The following TJP2 variants were observed in gnomAD, a reference collection of about 807,000 sequenced individuals.
The protein encoded by TJP2 is Friedreich ataxia region gene X104 (tight junction protein ZO-2).
Under a neutral mutation model 133.1 loss-of-function variants are expected in TJP2, and 91 were observed. That is an observed-to-expected ratio of 0.68 (90% CI 0.58 to 0.81). The LOEUF (loss-of-function observed/expected upper bound fraction) is 0.81, where lower values mean the gene tolerates loss of function less well. Among genes scored for constraint, TJP2 ranks in the 40% least tolerant of loss-of-function variants. The pLI is 0.00. For synonymous variants in TJP2, 592 were observed against 583.4 expected, an observed-to-expected ratio of 1.01 and a Z score of -0.21; for missense variants, 1,541 against 1,565.6, an observed-to-expected ratio of 0.98 and a Z score of 0.26.
rs901693197 is a variant in TJP2 at position 69,129,525 on chromosome 9, A to C, written c.-131+7800A>C. On this transcript the variant is annotated intron_variant, in intron 1 of 5. Coordinates refer to the TJP2 transcript ENST00000423935. ...AACCTGTCGCAAAAAACAAAAAAAA[A>C]CCCCGTCAATTCTACTTACTAAAAT... Among the ~76,000 whole-genome samples, 24 of 151,682 alleles carry C rather than the reference A, an allele frequency of 1.6e-4. No homozygotes were observed. In the East Asian group the frequency reaches 1.7e-3, roughly 11 times the overall value.
At chr9:69,213,951 G>T (rs1206237409) in intron 2 of TJP2, among the ~76,000 whole-genome samples, 1 of 152,082 alleles carries the variant, frequency 6.6e-6, no homozygotes, top group East Asian at 1.9e-4. Flanking sequence ...TCAGCATAGT[G>T]GGCCTCACGT....
At chr9:69,176,670 A>G (rs1202311120) in intron 1 of TJP2, among the ~76,000 whole-genome samples, 2 of 152,220 alleles carry the variant, frequency 1.3e-5, no homozygotes, top group Admixed American at 6.5e-5. Context: ...TGCATTTGCA[A>G]TGACTTCTGC....
At chr9:69,131,633 A>G (rs1323419186) in intron 1 of TJP2, among the ~76,000 whole-genome samples, 1 of 152,220 alleles carries the variant, frequency 6.6e-6, no homozygotes, top group Non-Finnish European at 1.5e-5. Flanking sequence ...GTGATTTAAT[A>G]TCAGTGCTTG....
chr9:69,205,955 G>C (rs1006908537), intron 1 of TJP2, among the ~76,000 whole-genome samples: 2 of 151,918 alleles, frequency 1.3e-5, no homozygotes, highest in Non-Finnish European at 2.9e-5. Flanking sequence ...ATCTGGCCAA[G>C]ATTTTTCAAA....
chr9:69,210,208 G>A (rs1279793955), intron 1 of TJP2, among the ~76,000 whole-genome samples: 2 of 146,180 alleles, frequency 1.4e-5, no homozygotes, highest in Non-Finnish European at 3.0e-5. Flanking sequence ...CGAATCACTT[G>A]AACCCAGGAG....
intron 1 of TJP2, among the ~76,000 whole-genome samples, chr9:69,182,788 CTTT>C (rs35602682): frequency 1.5e-5 from 2 of 129,408 alleles, no homozygotes. Flanking sequence ...TGATGAATTT[CTTT>C]TTTTTTTTTT....
chr9:69,140,198 C>A (rs1318165377), intron 1 of TJP2, among the ~76,000 whole-genome samples: 2 of 152,184 alleles, frequency 1.3e-5, no homozygotes, highest in East Asian at 3.8e-4. Flanking sequence ...AGAAATGAAG[C>A]CACAACTAGT....
chr9:69,173,407 A>G (rs564349650), upstream of TJP2, among the ~76,000 whole-genome samples: 2 of 152,340 alleles, frequency 1.3e-5, no homozygotes, highest in South Asian at 2.1e-4. Flanking sequence ...TTCGAAAGGA[A>G]TAAGCACACT....
rs527789195 is a variant in TJP2, at chr9:69,236,065, G to A, written c.1818G>A (p.Ser606=). Residue 606 remains serine, a synonymous_variant, in exon 13 of 23, where the codon TCG becomes TCA. Transcript: ENST00000377245. ...TCCTGGCTTGTGGCAGAGGGGATTC[G>A]TTTTTTATAAGAAGCCACTTTGAAT... is the stretch of plus-strand genomic sequence containing the variant. The part of the protein sequence containing the change: ...RDILACGRGD[S]FFIRSHFECE... The A allele has an allele frequency of 9.9e-5, 160 of 1,614,070 alleles. 2 individuals are homozygous for A. In the South Asian group the frequency reaches 1.1e-3, roughly 11 times the overall value.
chr9:69,230,022 T>A, intron 10 of TJP2, 60 bp from the exon 11 acceptor site: 1 of 1,596,466 alleles, frequency 6.3e-7, no homozygotes, highest in Non-Finnish European at 8.6e-7. Flanking sequence ...TTTGCTAATG[T>A]TGTTCTCCCT....
chr9:69,133,395 G>C (rs1472503302), intron 1 of TJP2, among the ~76,000 whole-genome samples: 3 of 152,134 alleles, frequency 2.0e-5, no homozygotes, highest in Non-Finnish European at 4.4e-5. Context: ...TGTATTCTCC[G>C]GAAAGACTGG....
chr9:69,130,039 G>T (rs374902905), intron 1 of TJP2, among the ~76,000 whole-genome samples: 81 of 146,720 alleles, frequency 5.5e-4, no homozygotes, highest in African/African-American at 2.0e-3. Flanking sequence ...AAAAGAAAAA[G>T]AAAAAAAAGA....
chr9:69,196,801 T>C (rs1439688136), intron 1 of TJP2, among the ~76,000 whole-genome samples: 1 of 152,110 alleles, frequency 6.6e-6, no homozygotes, highest in African/African-American at 2.4e-5. Context: ...CCCATAGTCT[T>C]AGGGAACCAG....
At chr9:69,174,253 A>C, upstream of TJP2, 2 of 1,521,976 alleles carry the variant, frequency 1.3e-6, no homozygotes, top group Non-Finnish European at 1.8e-6. Flanking sequence ...GCGGGTCGGC[A>C]CCCCGGCGGT....
At chr9:69,199,838 G>A (rs992014227) in intron 1 of TJP2, among the ~76,000 whole-genome samples, 8 of 152,150 alleles carry the variant, frequency 5.3e-5, no homozygotes, top group Non-Finnish European at 1.0e-4. Context: ...GCAGCAGCTC[G>A]GATCCCATCT....
At chr9:69,247,245 T>A (rs1830990994) in intron 18 of TJP2, among the ~76,000 whole-genome samples, 1 of 152,184 alleles carries the variant, frequency 6.6e-6, no homozygotes, top group Non-Finnish European at 1.5e-5. Flanking sequence ...TTCTGGGAGT[T>A]TGAATGGGTG....
At chr9:69,221,863 CTTTTTT>C (rs11308693) in intron 5 of TJP2, among the ~76,000 whole-genome samples, 1 of 112,246 alleles carries the variant, frequency 8.9e-6, no homozygotes, top group Middle Eastern at 6.0e-3. Context: ...GGAATAGCTA[CTTTTTT>C]TTTTTTTTTT....
At chr9:69,254,090 G>A in intron 22 of TJP2, 119 bp from the exon 23 acceptor site, 2 of 1,176,420 alleles carry the variant, frequency 1.7e-6, no homozygotes, top group Non-Finnish European at 2.5e-6. Context: ...GCAGAATGTG[G>A]CTCAGAGGTA....
At chr9:69,212,409 T>A in intron 1 of TJP2, 139 bp from the exon 2 acceptor site, 7 of 697,008 alleles carry the variant, frequency 1.0e-5, no homozygotes, top group African/African-American at 1.8e-5. Flanking sequence ...ATAGGTAGCA[T>A]AATGAACAGA....
Sources: allele counts gnomAD v4.1 joint callset (sites outside exome capture counted in the v4.1 genomes callset), GRCh38; gene constraint gnomAD v4.1.1; transcripts MANE v1.5; gene names NCBI Gene and HGNC (gene_info 2026-07-23, HGNC 2026-07-21).